CNST: variants seen among roughly 807,000 people sequenced by gnomAD.
CNST encodes the protein consortin, connexin sorting protein.
Under a neutral mutation model 72.4 loss-of-function variants are expected in CNST, and 39 were observed. That is an observed-to-expected ratio of 0.54 (90% CI 0.42 to 0.70). The LOEUF is 0.70. Among genes scored for constraint, CNST ranks in the 30% least tolerant of loss-of-function variants. The probability of loss-of-function intolerance (pLI) is 0.00; values close to 1 mark genes in which losing one functional copy is unlikely to be tolerated. For synonymous variants in CNST, 332 were observed against 320.1 expected (o/e 1.04, Z -0.40); for missense variants, 871 against 868.5 (o/e 1.00, Z -0.04).
intron 1 of CNST, among the ~76,000 whole-genome samples, chr1:246,584,011 C>G (rs1426172909): frequency 7.9e-6 from 1 of 127,040 alleles, no homozygotes; most frequent in Non-Finnish European, 1.6e-5. Flanking sequence ...ATGGTCATAG[C>G]TCACTGCTGC....
chr1:246,583,603 A>G (rs2103014868), intron 1 of CNST, among the ~76,000 whole-genome samples: 1 of 152,266 alleles, frequency 6.6e-6, no homozygotes, highest in African/African-American at 2.4e-5. Context: ...TGTTTGTTGT[A>G]GACACTCAAA....
At chr1:246,632,335 G>A in intron 4 of CNST, 1 of 285,498 alleles carries the variant, frequency 3.5e-6, no homozygotes, top group South Asian at 4.6e-5. Flanking sequence ...CCGGGACATT[G>A]CCGCCCCCGT....
chr1:246,608,717 G>A (rs3006085), intron 2 of CNST, among the ~76,000 whole-genome samples: 67,521 of 152,042 alleles, frequency 0.44, 16,481 homozygotes, highest in Non-Finnish European at 0.54. Context: ...CAGCCTAAGG[G>A]AGCTCTTGTT....
At chr1:246,591,440 G>A (rs187962320) in intron 1 of CNST, 72 bp from the exon 2 acceptor site, 1 of 1,082,092 alleles carries the variant, frequency 9.2e-7, no homozygotes, top group East Asian at 2.4e-5. Context: ...TAAGAGAAGG[G>A]GAAAATCAAA....
intron 6 of CNST, among the ~76,000 whole-genome samples, chr1:246,636,985 C>G (rs1368396273): frequency 6.6e-6 from 1 of 152,122 alleles, no homozygotes; most frequent in African/African-American, 2.4e-5. Flanking sequence ...AGGGATATTC[C>G]CGTATTAAGA....
chr1:246,616,833 G>C (rs1414981954), intron 2 of CNST, among the ~76,000 whole-genome samples: 1 of 147,952 alleles, frequency 6.8e-6, no homozygotes, highest in Non-Finnish European at 1.5e-5. Flanking sequence ...GATTACAGGG[G>C]TAAGCCACTG....
chr1:246,589,448 C>A (rs1259034912), intron 1 of CNST, among the ~76,000 whole-genome samples: 1 of 151,838 alleles, frequency 6.6e-6, no homozygotes, highest in Non-Finnish European at 1.5e-5. Context: ...ATGAACTCAT[C>A]ATTTTTTATG....
At chr1:246,616,329 A>T (rs917617546) in intron 2 of CNST, among the ~76,000 whole-genome samples, 4 of 152,118 alleles carry the variant, frequency 2.6e-5, no homozygotes, top group Non-Finnish European at 5.9e-5. Flanking sequence ...TGGGAGGACC[A>T]GTTGAGGCCA....
chr1:246,568,090 C>G (rs986081260), intron 1 of CNST, among the ~76,000 whole-genome samples: 1 of 151,384 alleles, frequency 6.6e-6, no homozygotes, highest in African/African-American at 2.4e-5. Flanking sequence ...CACTTGCTGC[C>G]GGGAGTTCGA....
intron 2 of CNST, among the ~76,000 whole-genome samples, chr1:246,595,188 G>A (rs950655730): frequency 2.6e-5 from 4 of 152,046 alleles, no homozygotes; most frequent in Non-Finnish European, 4.4e-5. Context: ...AAACTGAATA[G>A]GATTCTTTTG....
At chr1:246,654,456 GT>G (rs925257444) in intron 9 of CNST, among the ~76,000 whole-genome samples, 7 of 152,318 alleles carry the variant, frequency 4.6e-5, no homozygotes, top group African/African-American at 1.7e-4. Context: ...CCAGAAGTTT[GT>G]TTCTTTCAAA....
intron 6 of CNST, among the ~76,000 whole-genome samples, chr1:246,641,431 T>TA (rs1181915601): frequency 6.6e-6 from 1 of 152,242 alleles, no homozygotes; most frequent in African/African-American, 2.4e-5. Flanking sequence ...CTGAAATTTT[T>TA]AAAATATGTG....
intron 4 of CNST, chr1:246,632,493 G>A (rs1664839874): frequency 5.3e-6 from 1 of 187,818 alleles, no homozygotes; most frequent in African/African-American, 2.4e-5. Flanking sequence ...AGGCATTAGT[G>A]GAAGAGTGTA....
At chr1:246,581,321 A>C (rs1322273971) in intron 1 of CNST, among the ~76,000 whole-genome samples, 1 of 152,034 alleles carries the variant, frequency 6.6e-6, no homozygotes, top group African/African-American at 2.4e-5. Context: ...GCTGGAGTGC[A>C]ATGGCGCAAT....
chr1:246,576,741 C>A (rs1335165179), intron 1 of CNST, among the ~76,000 whole-genome samples: 1 of 151,822 alleles, frequency 6.6e-6, no homozygotes, highest in Non-Finnish European at 1.5e-5. Flanking sequence ...TGATCCACCC[C>A]CCTCAGCCTT....
chr1:246,604,420 C>T (rs149561488), intron 2 of CNST, among the ~76,000 whole-genome samples: 1 of 152,176 alleles, frequency 6.6e-6, no homozygotes, highest in East Asian at 1.9e-4. Flanking sequence ...TTTCTCTGTG[C>T]GTTTGTTTTG....
intron 9 of CNST, among the ~76,000 whole-genome samples, chr1:246,650,444 G>A (rs1267513573): frequency 1.3e-5 from 2 of 151,976 alleles, no homozygotes; most frequent in Admixed American, 6.6e-5. Context: ...TACTACCCTC[G>A]CTATTCTGAA....
At chr1:246,620,994 T>C (rs1664055516) in intron 2 of CNST, among the ~76,000 whole-genome samples, 1 of 152,252 alleles carries the variant, frequency 6.6e-6, no homozygotes, top group Non-Finnish European at 1.5e-5. Flanking sequence ...CATAGGCAGA[T>C]AGTCTATTAA....
chr1:246,622,087 G>A (rs189106439), intron 3 of CNST, among the ~76,000 whole-genome samples: 3 of 152,310 alleles, frequency 2.0e-5, no homozygotes, highest in East Asian at 1.9e-4. Flanking sequence ...GCCCGGGGGA[G>A]GGTGACCCTC....
Sources: gnomAD v4.1 joint callset for allele counts (sites outside exome capture counted in the v4.1 genomes callset) on GRCh38, gnomAD v4.1.1 for gene constraint, MANE v1.5 for transcripts, NCBI Gene and HGNC (gene_info 2026-07-23, HGNC 2026-07-21) for gene names.